Variants in CTDP1 observed in about 807,000 individuals in gnomAD.
The protein encoded by CTDP1 is CTD phosphatase 1.
A neutral mutation model predicts 91.8 loss-of-function variants in CTDP1; 47 were observed. That is an observed-to-expected ratio of 0.51 (90% CI 0.41 to 0.65). CTDP1 has a LOEUF of 0.65. Ranked by LOEUF, CTDP1 falls within the 30% of genes least tolerant of loss-of-function variation. The probability of loss-of-function intolerance (pLI) is 0.00; values close to 1 mark genes in which losing one functional copy is unlikely to be tolerated. For missense variants in CTDP1, 1,272 were observed against 1,373.7 expected, an observed-to-expected ratio of 0.93 and a Z score of 1.17; for synonymous variants, 656 against 598.5, an observed-to-expected ratio of 1.10 and a Z score of -1.40.
At chr18:79,690,230 C>T (rs1032384433) in intron 1 of CTDP1, among the ~76,000 whole-genome samples, 5 of 152,202 alleles carry the variant, frequency 3.3e-5, no homozygotes, top group Non-Finnish European at 5.9e-5. Context: ...AGGCCCAGCC[C>T]GTAGCCCTCT....
chr18:79,732,757 C>T (rs916839295), intron 11 of CTDP1, among the ~76,000 whole-genome samples: 2 of 151,104 alleles, frequency 1.3e-5, no homozygotes, highest in Non-Finnish European at 2.9e-5. Flanking sequence ...TCACTGTCAC[C>T]AGGAGTGCTC....
chr18:79,715,325 T>C lies in CTDP1; in HGVS notation c.1865T>C (p.Ile622Thr). Residue 622 changes from isoleucine to threonine, a missense_variant, in exon 8 of 13, where the codon ATC becomes ACC. Coordinates refer to ENST00000613122, the MANE Select transcript of CTDP1 (RefSeq NM_004715.5). ...AAGGAGATCGAGGAGGCGCCGGACA[T>C]CCGCAAGATCGTGCCGGAGCTCAAG... is the stretch of plus-strand genomic sequence containing the variant. ...LNKEIEEAPD[I>T]RKIVPELKSK... 6.2e-7 allele frequency: 1 copy of C among 1,609,262 alleles called. No homozygotes were observed. The highest frequency in any genetic ancestry group is 1.3e-5 in the African/African-American group (1 of 74,972).
chr18:79,738,589 A>C (rs957637411), intron 12 of CTDP1, among the ~76,000 whole-genome samples: 3 of 152,106 alleles, frequency 2.0e-5, no homozygotes, highest in African/African-American at 7.2e-5. Context: ...GTCTGGTCTT[A>C]CTCTTAGGCT....
chr18:79,694,143 C>T (rs1219768499), intron 1 of CTDP1, among the ~76,000 whole-genome samples: 1 of 151,652 alleles, frequency 6.6e-6, no homozygotes, highest in African/African-American at 2.4e-5. Context: ...AGCAGCCCGG[C>T]TGGGACGGGA....
intron 6 of CTDP1, 132 bp from the exon 7 acceptor site, chr18:79,712,840 T>C: frequency 1.1e-6 from 1 of 893,818 alleles, no homozygotes; most frequent in African/African-American, 1.7e-5. Flanking sequence ...TCGGGGCGGT[T>C]GGTGTCCGTC....
At chr18:79,693,706 G>T (rs192427446) in intron 1 of CTDP1, among the ~76,000 whole-genome samples, 1 of 152,124 alleles carries the variant, frequency 6.6e-6, no homozygotes, top group Non-Finnish European at 1.5e-5. Flanking sequence ...GCCCCGCACC[G>T]TGTGTCCTCA....
In CTDP1 at chr18:79,713,027, G is replaced by A. The variant is rs2122615161; in HGVS notation, c.919G>A (p.Val307Ile). The change falls in exon 7 of 13, where the codon GTC becomes ATC. Residue 307 changes from valine (V) to isoleucine (I), a missense_variant. This residue lies in a region of CTDP1 where 177 missense variants were observed against 283.0 expected (regional missense o/e 0.63). Transcript: ENST00000613122. The surrounding 1 kb of genome is among the most constrained non-coding windows in gnomAD (Gnocchi z 4.7). ...MVCIIDDRED[V>I]WKFAPNLITV... Reference sequence around the variant, plus strand: ...TTGCATTATTGATGATCGAGAAGATGTCTGGAAGTTTGCCCCCAATCTGAT... The same window carrying A: ...TTGCATTATTGATGATCGAGAAGATATCTGGAAGTTTGCCCCCAATCTGAT... 6.2e-7 allele frequency: 1 copy of A among 1,614,170 alleles called. No homozygotes were observed. Among genetic ancestry groups the A allele is most frequent in the Non-Finnish European group, 8.5e-7 (1 of 1,180,022 alleles).
intron 1 of CTDP1, among the ~76,000 whole-genome samples, chr18:79,686,508 TGGTCTTG>T (rs2085496890): frequency 6.6e-6 from 1 of 152,248 alleles, no homozygotes; most frequent in African/African-American, 2.4e-5. Context: ...TATGAAGAGA[TGGTCTTG>T]GTAGGTTTTT....
chr18:79,740,586 C>T (rs1241630924), intron 12 of CTDP1, among the ~76,000 whole-genome samples: 4 of 152,318 alleles, frequency 2.6e-5, no homozygotes, highest in Admixed American at 6.5e-5. Flanking sequence ...CAATGCGTTT[C>T]GTACAGAAGC....
In CTDP1 at chr18:79,713,243, C is replaced by CT. The variant is rs1262505744; in HGVS notation, c.1030+112dup. On this transcript the variant is annotated intron_variant, in intron 7 of 12. Coordinates refer to ENST00000613122, the MANE Select transcript of CTDP1 (RefSeq NM_004715.5). This position sits in a 1 kb window ranked among gnomAD's most constrained non-coding sequence, Gnocchi z 4.7. ...TTGACTGCTATAAATTCAAGATACACTTTTTTTATTTGTGTTTCAGTAGAG... is the reference window on the plus strand; with the variant it reads ...TTGACTGCTATAAATTCAAGATACACTTTTTTTTATTTGTGTTTCAGTAGAG... The CT allele has an allele frequency of 4.3e-6, 5 of 1,175,354 alleles. No homozygotes were observed. The highest frequency in any genetic ancestry group is 3.1e-5 in the African/African-American group (2 of 65,168). The allele number at this position is 1,175,354 out of a possible 1,614,324, so 72.8% of individuals were successfully genotyped here.
rs111708252 is a variant in CTDP1, at chr18:79,716,557, C to T, written c.2069-978C>T. Reference sequence around the variant, plus strand: ...GGCAGTCAGACCCTTCTCTCCTGAGCGTGGAGCCGGGCCAGGCCGGGGTCC... The same window carrying T: ...GGCAGTCAGACCCTTCTCTCCTGAGTGTGGAGCCGGGCCAGGCCGGGGTCC... On this transcript the variant is annotated intron_variant, in intron 8 of 12. Coordinates refer to ENST00000613122, the MANE Select transcript of CTDP1 (RefSeq NM_004715.5). 5.5e-3 allele frequency among the ~76,000 whole-genome samples: 844 copies of T among 152,272 alleles called. 6 individuals carry two copies. Among genetic ancestry groups the T allele is most frequent in the African/African-American group, 0.019 (791 of 41,558 alleles).
At position 79,718,417 on chromosome 18, in the gene CTDP1, C is replaced by T. The variant is rs567471831; in HGVS notation, c.2417+401C>T. Among the ~76,000 whole-genome samples, 10 of 152,306 alleles carry T rather than the reference C, an allele frequency of 6.6e-5. No individual in the cohort carries two copies. The East Asian group carries it at 1.9e-3, about 29-fold the overall frequency. ...GCCGGCTCCACGTTTGCTGCTCTGC[C>T]AACCCCAGGCTGCCCTCTTCGTTTC... On this transcript the variant is annotated intron_variant, in intron 10 of 12. Transcript: ENST00000613122.
At chr18:79,705,027 T>C in intron 5 of CTDP1, 110 bp downstream of exon 5, 13 of 1,528,704 alleles carry the variant, frequency 8.5e-6, no homozygotes, top group Non-Finnish European at 1.2e-5. Flanking sequence ...TGCAACTCAG[T>C]TGTAGTCTTA....
chr18:79,744,410 G>C (rs1473031003), intron 12 of CTDP1, among the ~76,000 whole-genome samples: 1 of 152,150 alleles, frequency 6.6e-6, no homozygotes, highest in Admixed American at 6.5e-5. Context: ...TAATGCAAAA[G>C]AAAACAGAAA....
intron 11 of CTDP1, among the ~76,000 whole-genome samples, chr18:79,733,816 G>A (rs2086614348): frequency 6.6e-6 from 1 of 152,138 alleles, no homozygotes; most frequent in Non-Finnish European, 1.5e-5. Flanking sequence ...CAAGGAGGTT[G>A]GTAGAAACAT....
chr18:79,704,969 G>A lies in CTDP1; in HGVS notation c.772+52G>A, dbSNP rs774687651. 7 of 1,607,974 alleles carry A rather than the reference G, an allele frequency of 4.4e-6. No homozygotes were observed. The African/African-American group carries it at 8.0e-5, about 18-fold the overall frequency. The stretch of plus-strand genomic sequence containing the variant: ...CGTGTGAACAGTGGGTTTCTTTCCT[G>A]TTTTCGGTGATGGTTTCTTAAAGAT... On this transcript the variant is annotated intron_variant, in intron 5 of 12. Transcript: ENST00000613122.
At chr18:79,679,715 C>A, upstream of CTDP1, 1 of 505,334 alleles carries the variant, frequency 2.0e-6, no homozygotes. Context: ...CAGGACGGAG[C>A]CGGCTCCGGC....
At chr18:79,677,885 G>A (rs1177760647), upstream of CTDP1, 2 of 152,234 alleles carry the variant, frequency 1.3e-5, no homozygotes, top group East Asian at 3.8e-4. Flanking sequence ...TTGTTACCTG[G>A]TTGCTCTGTT....
chr18:79,703,389 C>A (rs941244269), intron 4 of CTDP1, among the ~76,000 whole-genome samples: 3 of 152,062 alleles, frequency 2.0e-5, no homozygotes, highest in African/African-American at 4.8e-5. Context: ...TTTAAAGGAT[C>A]GAAGTTTAGC....
Sources: allele counts gnomAD v4.1 joint callset (sites outside exome capture counted in the v4.1 genomes callset), GRCh38; gene constraint gnomAD v4.1.1; regional missense constraint gnomAD v4.1.1; non-coding constraint Gnocchi (gnomAD v3.1); transcripts MANE v1.5; gene names NCBI Gene and HGNC (gene_info 2026-07-23, HGNC 2026-07-21).